Variants in TRMT1L observed in about 807,000 individuals in gnomAD.
The protein encoded by TRMT1L is tRNA (guanine(27)-N(2))-dimethyltransferase.
A neutral mutation model predicts 81.6 loss-of-function variants in TRMT1L; 28 were observed. The observed-to-expected ratio is 0.34, with a 90% confidence interval of 0.25 to 0.47. The LOEUF (loss-of-function observed/expected upper bound fraction) is 0.47. Among genes scored for constraint, TRMT1L ranks in the 20% least tolerant of loss-of-function variants. The pLI is 1.00. For missense variants in TRMT1L, 739 were observed against 877.1 expected, an observed-to-expected ratio of 0.84 and a Z score of 1.99; for synonymous variants, 301 against 303.2, an observed-to-expected ratio of 0.99 and a Z score of 0.07.
intron 13 of TRMT1L, among the ~76,000 whole-genome samples, chr1:185,122,317 T>C (rs72741808): frequency 0.1 from 15,199 of 152,258 alleles, 984 homozygotes; most frequent in East Asian, 0.25. Context: ...ATTTTATGTG[T>C]TGACCAATGG....
chr1:185,156,584 C>G lies in TRMT1L; in HGVS notation c.129G>C (p.Leu43=). The G allele has an allele frequency of 1.3e-6, 2 of 1,599,192 alleles. No homozygotes were observed. The highest frequency in any genetic ancestry group is 1.7e-6 in the Non-Finnish European group (2 of 1,173,050). ...GVPAPAPDSA[L]DSAPTPASAP... Reference sequence around the variant, plus strand: ...CCGAGGCCGGAGTCGGAGCCGAGTCCAGAGCCGAATCCGGGGCCGGAGCTG... The same window carrying G: ...CCGAGGCCGGAGTCGGAGCCGAGTCGAGAGCCGAATCCGGGGCCGGAGCTG... Residue 43 remains leucine (L), a synonymous_variant, in exon 1 of 15, where the codon CTG becomes CTC. Transcript: ENST00000367506.
At chr1:185,141,280 C>A (rs754261982) in intron 7 of TRMT1L, among the ~76,000 whole-genome samples, 1 of 152,148 alleles carries the variant, frequency 6.6e-6, no homozygotes, top group Non-Finnish European at 1.5e-5. Context: ...GTTCTGACAT[C>A]CTCATTTTAG....
intron 1 of TRMT1L, among the ~76,000 whole-genome samples, chr1:185,152,765 A>G (rs1653397281): frequency 6.6e-6 from 1 of 152,230 alleles, no homozygotes; most frequent in Admixed American, 6.5e-5. Context: ...GAATAATGGT[A>G]TATTAAGCAA....
At chr1:185,132,747 GAAT>G (rs1010054545) in intron 10 of TRMT1L, among the ~76,000 whole-genome samples, 4 of 152,030 alleles carry the variant, frequency 2.6e-5, no homozygotes, top group Non-Finnish European at 5.9e-5. Flanking sequence ...GAAGACAATG[GAAT>G]AATACCTTGA....
chr1:185,156,973 C>A, upstream of TRMT1L: 1 of 531,302 alleles, frequency 1.9e-6, no homozygotes, highest in Non-Finnish European at 3.3e-6. Context: ...ACAAACTGCG[C>A]AGAAGCGTAC....
Position 185,145,432 on chromosome 1 carries a change from A to C in TRMT1L, c.655+7T>G. 1 of 1,607,852 alleles carries C rather than the reference A, an allele frequency of 6.2e-7. No individual in the cohort carries two copies. Among genetic ancestry groups the C allele is most frequent in the Non-Finnish European group, 8.5e-7 (1 of 1,175,746 alleles). On this transcript the variant is annotated splice_region_variant and intron_variant, in intron 5 of 14. Transcript: ENST00000367506. Reference sequence around the variant, plus strand: ...TATTAATATGTTAATGAGATTGCTCAACTTACCTGCAATATAACTAGATTT... The same window carrying C: ...TATTAATATGTTAATGAGATTGCTCCACTTACCTGCAATATAACTAGATTT...
chr1:185,126,535 A>G (rs1652633852), intron 11 of TRMT1L, among the ~76,000 whole-genome samples: 1 of 152,230 alleles, frequency 6.6e-6, no homozygotes, highest in Admixed American at 6.5e-5. Context: ...ATATGAAAGA[A>G]TATATGATTT....
chr1:185,138,173 T>G (rs1156592543), intron 9 of TRMT1L, among the ~76,000 whole-genome samples: 1 of 152,198 alleles, frequency 6.6e-6, no homozygotes, highest in Non-Finnish European at 1.5e-5. Context: ...TATTGAGTAA[T>G]GACTATATGC....
chr1:185,124,906 G>A, intron 12 of TRMT1L, 38 bp downstream of exon 12: 1 of 1,548,952 alleles, frequency 6.5e-7, no homozygotes, highest in Non-Finnish European at 8.7e-7. Flanking sequence ...TTTTTGGTAA[G>A]CAGTTTAAAG....
At chr1:185,132,684 GAA>G (rs147261933) in intron 10 of TRMT1L, among the ~76,000 whole-genome samples, 15,144 of 151,974 alleles carry the variant, frequency 0.1, 972 homozygotes, top group East Asian at 0.25. Context: ...CATTCAGAGA[GAA>G]AATAATATAA....
At chr1:185,150,335 G>C in intron 3 of TRMT1L, 44 bp downstream of exon 3, 1 of 1,377,820 alleles carries the variant, frequency 7.3e-7, no homozygotes, top group Non-Finnish European at 1.0e-6. Flanking sequence ...AATAAATGTT[G>C]AATTTCATAT....
At chr1:185,131,938 C>T (rs754979692) in intron 10 of TRMT1L, among the ~76,000 whole-genome samples, 1 of 151,856 alleles carries the variant, frequency 6.6e-6, no homozygotes, top group Admixed American at 6.6e-5. Flanking sequence ...GTCAGGAGAT[C>T]GAGACCAGCC....
At chr1:185,127,543 A>G (rs1652660034) in intron 11 of TRMT1L, among the ~76,000 whole-genome samples, 2 of 151,960 alleles carry the variant, frequency 1.3e-5, no homozygotes, top group Admixed American at 1.3e-4. Context: ...GGATCACTTG[A>G]GGTCGGGAGT....
intron 10 of TRMT1L, among the ~76,000 whole-genome samples, chr1:185,128,963 TA>T (rs1652703093): frequency 1.3e-5 from 2 of 152,268 alleles, no homozygotes; most frequent in South Asian, 2.1e-4. Context: ...CACATATATA[TA>T]TTTTTTTAAT....
intron 3 of TRMT1L, 114 bp from the exon 4 acceptor site, chr1:185,147,360 C>A: frequency 1.4e-6 from 1 of 723,460 alleles, no homozygotes; most frequent in East Asian, 2.7e-5. Context: ...TTTGTAATGT[C>A]ATAATTACTC....
Position 185,139,388 on chromosome 1 carries a change from A to G in TRMT1L, c.1301T>C (p.Ile434Thr), listed in dbSNP as rs1479740292. Residue 434 changes from isoleucine (I) to threonine (T), a missense_variant, in exon 9 of 15, where the codon ATT (isoleucine) becomes ACT (threonine). By Grantham distance (89) the Ile-to-Thr change is moderately conservative (BLOSUM62 -1). This residue lies in a region of TRMT1L where 331 missense variants were observed against 462.2 expected (regional missense o/e 0.72). Transcript: ENST00000367506. ...GTACCTTGCCACTGCAGCTACAACA[A>G]TTCTGGCTGCTAGTTCCTTGTAATA... ...TEYYKELAARIVVAAVARAAA... is the reference protein window; with the variant it reads ...TEYYKELAARTVVAAVARAAA... 3.1e-6 allele frequency: 5 copies of G among 1,613,812 alleles called. No individual in the cohort carries two copies. The highest frequency in any genetic ancestry group is 4.2e-6 in the Non-Finnish European group (5 of 1,179,818).
intron 3 of TRMT1L, among the ~76,000 whole-genome samples, chr1:185,148,779 C>G (rs1394373025): frequency 6.6e-6 from 1 of 152,142 alleles, no homozygotes; most frequent in East Asian, 1.9e-4. Flanking sequence ...TAGAACTAAA[C>G]TTAAAAGACA....
intron 1 of TRMT1L, among the ~76,000 whole-genome samples, chr1:185,152,847 T>C (rs1437045508): frequency 6.6e-6 from 1 of 152,168 alleles, no homozygotes; most frequent in African/African-American, 2.4e-5. Flanking sequence ...TTTGACATGG[T>C]GTGTTTGATG....
At chr1:185,141,149 C>T (rs762661894) in intron 7 of TRMT1L, among the ~76,000 whole-genome samples, 43 of 152,184 alleles carry the variant, frequency 2.8e-4, no homozygotes, top group Middle Eastern at 3.4e-3. Flanking sequence ...TTAGTAAACC[C>T]CTTATGTACT....
Sources: allele counts gnomAD v4.1 joint callset (sites outside exome capture counted in the v4.1 genomes callset), GRCh38; gene constraint gnomAD v4.1.1; regional missense constraint gnomAD v4.1.1; transcripts MANE v1.5; gene names NCBI Gene and HGNC (gene_info 2026-07-23, HGNC 2026-07-21).